FSIP1: variants seen among roughly 807,000 people sequenced by gnomAD.
FSIP1 encodes the protein fibrous sheath interacting protein 1.
Under a neutral mutation model 60.9 loss-of-function variants are expected in FSIP1, and 65 were observed. That is an observed-to-expected ratio of 1.07 (90% CI 0.87 to 1.31). The LOEUF is 1.31. Ranked by LOEUF, FSIP1 falls within the 40% of genes most tolerant of loss-of-function variation. The probability of loss-of-function intolerance (pLI) is 0.00; values close to 1 mark genes in which losing one functional copy is unlikely to be tolerated. For synonymous variants in FSIP1, 209 were observed against 221.2 expected (o/e 0.94, Z 0.49); for missense variants, 675 against 665.5 (o/e 1.01, Z -0.16).
At chr15:39,605,856 G>A (rs1331000367) in intron 11 of FSIP1, among the ~76,000 whole-genome samples, 1 of 152,136 alleles carries the variant, frequency 6.6e-6, no homozygotes, top group Non-Finnish European at 1.5e-5. Flanking sequence ...AACCCTACAG[G>A]GTATTAAGCC....
chr15:39,634,438 G>A (rs1424046153), intron 10 of FSIP1, among the ~76,000 whole-genome samples: 1 of 152,108 alleles, frequency 6.6e-6, no homozygotes, highest in Non-Finnish European at 1.5e-5. Context: ...TTCTACAGCA[G>A]CTGTTCATTC....
At chr15:39,775,279 T>C (rs1898015739) in intron 2 of FSIP1, among the ~76,000 whole-genome samples, 1 of 152,026 alleles carries the variant, frequency 6.6e-6, no homozygotes, top group African/African-American at 2.4e-5. Flanking sequence ...TAGAATGCTA[T>C]TCCTGAACCA....
chr15:39,613,492 C>T (rs1050064880), intron 11 of FSIP1, among the ~76,000 whole-genome samples: 6 of 152,102 alleles, frequency 3.9e-5, no homozygotes, highest in Non-Finnish European at 8.8e-5. Context: ...AGGCCCAGGG[C>T]CAGATGGCTT....
rs112369332 is a variant in FSIP1 at position 39,645,734 on chromosome 15, G to A, written c.1189-27489C>T. ...CTGCACCCTCGGGCACCCCAGGAAG[G>A]TTCCCTGCCCCTGTCCCTGAAGGCT... On this transcript the variant is annotated intron_variant, in intron 10 of 11. Coordinates refer to ENST00000350221, the MANE Select transcript of FSIP1 (RefSeq NM_152597.5). Among the ~76,000 whole-genome samples the A allele has an allele frequency of 8.9e-3, 1,351 of 152,344 alleles. 18 individuals are homozygous for A. Among genetic ancestry groups the A allele is most frequent in the African/African-American group, 0.031 (1,279 of 41,594 alleles).
intron 3 of FSIP1, among the ~76,000 whole-genome samples, chr15:39,766,193 C>T (rs891125140): frequency 6.6e-6 from 1 of 152,122 alleles, no homozygotes; most frequent in Non-Finnish European, 1.5e-5. Context: ...AGTAGAAAGC[C>T]GTAAGTCTTC....
chr15:39,620,797 G>A (rs541988031), intron 10 of FSIP1, among the ~76,000 whole-genome samples: 1 of 149,400 alleles, frequency 6.7e-6, no homozygotes, highest in South Asian at 2.1e-4. Flanking sequence ...GTGGAGACAG[G>A]GTTTTACCAT....
intron 8 of FSIP1, among the ~76,000 whole-genome samples, chr15:39,734,957 A>G (rs1325037688): frequency 6.6e-6 from 1 of 152,206 alleles, no homozygotes; most frequent in Non-Finnish European, 1.5e-5. Context: ...AAATACTAAC[A>G]AAAATAATAT....
rs1386808243 is a variant in FSIP1, at chr15:39,726,881, C to T, written c.892-134G>A. ...CACACACACACACACACAACACACA[C>T]AAACAGAATTAACATTGGGTTAGTA... On this transcript the variant is annotated intron_variant, in intron 8 of 11. Transcript: ENST00000350221. 17 of 620,838 alleles carry T rather than the reference C, an allele frequency of 2.7e-5. No homozygotes were observed. In the East Asian group the frequency reaches 4.7e-4, roughly 17 times the overall value. 38.5% of individuals were successfully genotyped at this position (620,838 alleles called of 1,614,324 possible).
At chr15:39,759,797 C>T (rs962513984) in intron 5 of FSIP1, among the ~76,000 whole-genome samples, 34 of 152,124 alleles carry the variant, frequency 2.2e-4, no homozygotes, top group African/African-American at 8.0e-4. Context: ...TCTCTGCCTC[C>T]GTCTTTGCAG....
At chr15:39,759,449 A>G (rs182693110) in intron 5 of FSIP1, among the ~76,000 whole-genome samples, 1 of 152,336 alleles carries the variant, frequency 6.6e-6, no homozygotes, top group Non-Finnish European at 1.5e-5. Context: ...GTTGGCATAG[A>G]AAAATAATAT....
At chr15:39,677,599 T>C (rs542698040) in intron 10 of FSIP1, among the ~76,000 whole-genome samples, 2 of 152,258 alleles carry the variant, frequency 1.3e-5, no homozygotes, top group South Asian at 2.1e-4. Flanking sequence ...CAAAGACACA[T>C]ATACAGGATG....
At chr15:39,715,059 G>A (rs1035226543) in intron 9 of FSIP1, among the ~76,000 whole-genome samples, 1 of 151,242 alleles carries the variant, frequency 6.6e-6, no homozygotes, top group African/African-American at 2.4e-5. Flanking sequence ...TTAGGTTGCT[G>A]CCAGAGCCTC....
intron 10 of FSIP1, among the ~76,000 whole-genome samples, chr15:39,701,050 G>A (rs999752564): frequency 3.9e-5 from 6 of 152,162 alleles, no homozygotes; most frequent in African/African-American, 1.2e-4. Context: ...TATTTGGGGG[G>A]CTGAGGTGGA....
intron 5 of FSIP1, among the ~76,000 whole-genome samples, chr15:39,758,146 G>T (rs562417791): frequency 5.3e-5 from 8 of 152,114 alleles, no homozygotes; most frequent in East Asian, 1.9e-4. Flanking sequence ...AATACAATGT[G>T]AGCATAGATT....
Position 39,600,761 on chromosome 15 carries a change from T to G in FSIP1, c.*119A>C, listed in dbSNP as rs1890609447. The G allele has an allele frequency of 1.4e-6, 1 of 702,790 alleles. No homozygotes were observed. The highest frequency in any genetic ancestry group is 1.9e-5 in the African/African-American group (1 of 53,244). The allele number at this position is 702,790 out of a possible 1,614,324, so 43.5% of individuals were successfully genotyped here. ...ATAATCCACAAAGAGCGACTCCAAA[T>G]GTCAAAATCAATAAAGAATAGTCTC... On this transcript the variant is annotated 3_prime_UTR_variant, in exon 12 of 12. Transcript: ENST00000350221.
intron 10 of FSIP1, among the ~76,000 whole-genome samples, chr15:39,637,860 G>A (rs1427282426): frequency 6.6e-6 from 1 of 152,094 alleles, no homozygotes; most frequent in Non-Finnish European, 1.5e-5. Flanking sequence ...CATCATTACA[G>A]AAAAAGAAGA....
At chr15:39,751,692 GATAAAAA>G (rs1264638477) in intron 5 of FSIP1, among the ~76,000 whole-genome samples, 1 of 151,780 alleles carries the variant, frequency 6.6e-6, no homozygotes, top group African/African-American at 2.4e-5. Flanking sequence ...TAGGTCAAAG[GATAAAAA>G]ATAGCAGATA....
chr15:39,693,703 C>T (rs574901280), intron 10 of FSIP1, among the ~76,000 whole-genome samples: 2 of 152,208 alleles, frequency 1.3e-5, no homozygotes, highest in African/African-American at 4.8e-5. Flanking sequence ...AAACTGCTTT[C>T]AGGTATCATC....
intron 7 of FSIP1, 73 bp from the exon 8 acceptor site, chr15:39,738,274 T>A: frequency 1.0e-6 from 1 of 953,504 alleles, no homozygotes; most frequent in Non-Finnish European, 1.6e-6. Flanking sequence ...AAATGGAATC[T>A]GAGACTTCTA....
Sources: allele counts gnomAD v4.1 joint callset (sites outside exome capture counted in the v4.1 genomes callset), GRCh38; gene constraint gnomAD v4.1.1; transcripts MANE v1.5; gene names NCBI Gene and HGNC (gene_info 2026-07-23, HGNC 2026-07-21).